The following PRR16 variants were observed in gnomAD, a reference collection of about 807,000 sequenced individuals.
PRR16 encodes the protein proline rich 16.
Under a neutral mutation model 18.2 loss-of-function variants are expected in PRR16, and 6 were observed. The observed-to-expected ratio is 0.33, with a 90% confidence interval of 0.18 to 0.65. The LOEUF (loss-of-function observed/expected upper bound fraction) is 0.65, where lower values mean the gene tolerates loss of function less well. Among genes scored for constraint, PRR16 ranks in the 30% least tolerant of loss-of-function variants. The pLI is 0.74. For missense variants in PRR16, 412 were observed against 376.6 expected (o/e 1.09, Z -0.78); for synonymous variants, 151 against 147.8 (o/e 1.02, Z -0.16).
At chr5:120,559,088 G>A (rs1752500555) in intron 1 of PRR16, among the ~76,000 whole-genome samples, 1 of 151,808 alleles carries the variant, frequency 6.6e-6, no homozygotes, top group Non-Finnish European at 1.5e-5. Flanking sequence ...CCCCTTCTAT[G>A]TGTTGTCTCC....
At chr5:120,742,015 T>G in the PRR16 span, among the ~76,000 whole-genome samples, 2 of 152,268 alleles carry the variant, frequency 1.3e-5, no homozygotes, top group Non-Finnish European at 2.9e-5. Context: ...GCATTTTCTG[T>G]GTCTATTAAG....
the PRR16 span, among the ~76,000 whole-genome samples, chr5:120,752,916 A>G: frequency 6.6e-6 from 1 of 151,982 alleles, no homozygotes; most frequent in African/African-American, 2.4e-5. Flanking sequence ...AATAGATCAG[A>G]CAACAATGTA....
intron 1 of PRR16, among the ~76,000 whole-genome samples, chr5:120,631,038 A>C (rs1219759904): frequency 6.6e-6 from 1 of 152,196 alleles, no homozygotes; most frequent in African/African-American, 2.4e-5. Context: ...TAATGTTTGT[A>C]ATCAACTCAT....
chr5:120,723,268 A>G, the PRR16 span, among the ~76,000 whole-genome samples: 3,374 of 152,028 alleles, frequency 0.022, 54 homozygotes, highest in Middle Eastern at 0.058. Flanking sequence ...TATGCTTCAT[A>G]CCTGGTATGT....
At chr5:120,770,198 TTA>T in the PRR16 span, among the ~76,000 whole-genome samples, 1 of 151,878 alleles carries the variant, frequency 6.6e-6, no homozygotes, top group East Asian at 1.9e-4. Context: ...TCAAAATGTA[TTA>T]TGAGGCCCTG....
chr5:120,502,499 T>C (rs1158835645), intron 1 of PRR16, among the ~76,000 whole-genome samples: 2 of 151,984 alleles, frequency 1.3e-5, no homozygotes, highest in Admixed American at 1.3e-4. Flanking sequence ...ATATCTTCTA[T>C]GTGTTTGTGA....
At chr5:120,528,053 G>T (rs1326460821) in intron 1 of PRR16, among the ~76,000 whole-genome samples, 3 of 152,136 alleles carry the variant, frequency 2.0e-5, no homozygotes, top group African/African-American at 7.2e-5. Flanking sequence ...GAATGGAGAG[G>T]TGTACAGAAG....
At chr5:120,672,918 G>C (rs774754148) in intron 1 of PRR16, among the ~76,000 whole-genome samples, 1 of 152,108 alleles carries the variant, frequency 6.6e-6, no homozygotes, top group African/African-American at 2.4e-5. Context: ...GCAACTAGTT[G>C]CATCTTGTAC....
chr5:120,672,494 T>C (rs927711217), intron 1 of PRR16, among the ~76,000 whole-genome samples: 9 of 147,602 alleles, frequency 6.1e-5, no homozygotes, highest in African/African-American at 2.3e-4. Flanking sequence ...TTAAAAGCAA[T>C]TGCAAATTAA....
At position 120,467,220 on chromosome 5, in the gene PRR16, C is replaced by A. The variant is rs184551782; in HGVS notation, c.159+2575C>A. Reference sequence around the variant, plus strand: ...GTATTCTGGCAGCTTAAAATTAGTACGTGTTAAATATAAACTGCTATATTT... The same window carrying A: ...GTATTCTGGCAGCTTAAAATTAGTAAGTGTTAAATATAAACTGCTATATTT... On this transcript the variant is annotated intron_variant, in intron 1 of 1. Coordinates refer to ENST00000407149, the MANE Select transcript of PRR16 (RefSeq NM_001300783.2). 6.3e-3 allele frequency among the ~76,000 whole-genome samples: 956 copies of A among 152,118 alleles called. 47 individuals are homozygous for A. Among genetic ancestry groups the A allele is most frequent in the Admixed American group, 0.058 (883 of 15,276 alleles).
At chr5:120,502,732 T>A (rs923344069) in intron 1 of PRR16, among the ~76,000 whole-genome samples, 1 of 152,190 alleles carries the variant, frequency 6.6e-6, no homozygotes, top group Non-Finnish European at 1.5e-5. Flanking sequence ...TTTTTGTCGG[T>A]CAAAATGGTT....
the PRR16 span, among the ~76,000 whole-genome samples, chr5:120,707,340 C>T: frequency 6.6e-6 from 1 of 152,110 alleles, no homozygotes; most frequent in Non-Finnish European, 1.5e-5. Flanking sequence ...TTTACCAATA[C>T]ACTTCAGGCT....
At chr5:120,516,357 A>G (rs1272044741) in intron 1 of PRR16, among the ~76,000 whole-genome samples, 2 of 149,806 alleles carry the variant, frequency 1.3e-5, no homozygotes, top group Non-Finnish European at 3.0e-5. Flanking sequence ...CCCAGGAGGC[A>G]GAGGTTGCAA....
intron 1 of PRR16, among the ~76,000 whole-genome samples, chr5:120,584,149 A>T (rs1753363468): frequency 6.6e-6 from 1 of 152,206 alleles, no homozygotes; most frequent in African/African-American, 2.4e-5. Context: ...GGGACTAATT[A>T]TATATTACAG....
chr5:120,488,622 G>T (rs1460934218), intron 1 of PRR16, among the ~76,000 whole-genome samples: 1 of 152,008 alleles, frequency 6.6e-6, no homozygotes, highest in African/African-American at 2.4e-5. Context: ...TTGATTTTTT[G>T]AAGGGTTTTT....
chr5:120,566,106 C>T (rs892218650), intron 1 of PRR16, among the ~76,000 whole-genome samples: 10 of 152,160 alleles, frequency 6.6e-5, no homozygotes, highest in African/African-American at 2.2e-4. Context: ...CTTGAGGGCT[C>T]CTTTCTCATG....
At chr5:120,737,386 T>C in the PRR16 span, among the ~76,000 whole-genome samples, 1 of 147,904 alleles carries the variant, frequency 6.8e-6, no homozygotes, top group Non-Finnish European at 1.5e-5. Context: ...TCAATTGAGA[T>C]AATTATGTGA....
intron 1 of PRR16, among the ~76,000 whole-genome samples, chr5:120,509,501 G>C (rs1750752523): frequency 6.6e-6 from 1 of 152,034 alleles, no homozygotes; most frequent in Non-Finnish European, 1.5e-5. Flanking sequence ...AATAAGAATG[G>C]TTAAGAAGGG....
Position 120,594,381 on chromosome 5 carries a change from A to G in PRR16, c.160-91573A>G, listed in dbSNP as rs1447746724. 5.9e-5 allele frequency among the ~76,000 whole-genome samples: 9 copies of G among 152,104 alleles called. No individual in the cohort carries two copies. In the South Asian group the frequency reaches 1.9e-3, roughly 31 times the overall value. On this transcript the variant is annotated intron_variant, in intron 1 of 1. Coordinates refer to ENST00000407149, the MANE Select transcript of PRR16 (RefSeq NM_001300783.2). ...GTAGCCACAAAAAAATAATAGTAATAAAATACCTAGGAATACAGCTAATCA... is the reference window on the plus strand; with the variant it reads ...GTAGCCACAAAAAAATAATAGTAATGAAATACCTAGGAATACAGCTAATCA...
Sources: allele counts gnomAD v4.1 joint callset (sites outside exome capture counted in the v4.1 genomes callset), GRCh38; gene constraint gnomAD v4.1.1; transcripts MANE v1.5; gene names NCBI Gene and HGNC (gene_info 2026-07-23, HGNC 2026-07-21).